The following HS3ST4 variants were observed in gnomAD, a reference collection of about 807,000 sequenced individuals.
HS3ST4 encodes heparan sulfate-glucosamine 3-sulfotransferase 4, also known as heparan sulfate glucosamine 3-O-sulfotransferase 4.
In HS3ST4, 17 loss-of-function variants were observed where a neutral mutation model predicts 29.2. The ratio of observed to expected loss-of-function variants is 0.58; its 90% confidence interval spans 0.40 to 0.87. The LOEUF is 0.87. HS3ST4 is among the 40% of genes least tolerant of loss of function. HS3ST4 has a pLI of 0.00. For synonymous variants in HS3ST4, 314 were observed against 285.7 expected (o/e 1.10, Z -1.00); for missense variants, 627 against 634.5 (o/e 0.99, Z 0.13).
Position 26,075,840 on chromosome 16 carries a change from C to A in HS3ST4, c.735-59772C>A, listed in dbSNP as rs373150498. On this transcript the variant is annotated intron_variant, in intron 1 of 1. Coordinates refer to ENST00000331351, the MANE Select transcript of HS3ST4 (RefSeq NM_006040.3). ...CATTATCTGCTGCAATATTGGACAT[C>A]CCCTTTTTTGAAATAATTTTCAATA... Among the ~76,000 whole-genome samples the A allele has an allele frequency of 2.6e-4, 39 of 152,282 alleles. No homozygotes were observed. In the East Asian group the frequency reaches 3.1e-3, roughly 12 times the overall value.
intron 1 of HS3ST4, among the ~76,000 whole-genome samples, chr16:25,898,127 T>C (rs1968088966): frequency 6.6e-6 from 1 of 152,222 alleles, no homozygotes; most frequent in Admixed American, 6.5e-5. Context: ...AGAATCTTTC[T>C]TGCTCAATGT....
chr16:25,711,778 C>T (rs994953001), intron 1 of HS3ST4, among the ~76,000 whole-genome samples: 3 of 152,096 alleles, frequency 2.0e-5, no homozygotes, highest in African/African-American at 2.4e-5. Flanking sequence ...CCTTTCTCCT[C>T]GCTGTCTGAG....
rs1967375852 is a variant in HS3ST4 at position 25,837,887 on chromosome 16, TAGTG to T, written c.734+144739_734+144742del. 2.0e-5 allele frequency among the ~76,000 whole-genome samples: 3 copies of T among 152,248 alleles called. No individual in the cohort carries two copies. In the South Asian group the frequency reaches 6.2e-4, roughly 32 times the overall value. Reference sequence around the variant, plus strand: ...TGTAGGAATGGTCCCATCACCCAGATAGTGAGCATAGTACCCGAAAGGTAGTTTT... The same window carrying T: ...TGTAGGAATGGTCCCATCACCCAGATAGCATAGTACCCGAAAGGTAGTTTT... On this transcript the variant is annotated intron_variant, in intron 1 of 1. Transcript: ENST00000331351.
intron 1 of HS3ST4, among the ~76,000 whole-genome samples, chr16:26,100,600 C>T (rs552212307): frequency 6.7e-4 from 102 of 152,230 alleles, no homozygotes; most frequent in African/African-American, 2.3e-3. Context: ...ACCTGGACAC[C>T]TGCTCTGAAT....
intron 1 of HS3ST4, among the ~76,000 whole-genome samples, chr16:26,000,133 G>A (rs1041383435): frequency 9.9e-5 from 15 of 151,710 alleles, no homozygotes; most frequent in East Asian, 1.9e-4. Context: ...TTTGTGATAC[G>A]TAGACACTCC....
At chr16:25,832,115 A>G (rs1284207317) in intron 1 of HS3ST4, among the ~76,000 whole-genome samples, 1 of 152,174 alleles carries the variant, frequency 6.6e-6, no homozygotes, top group East Asian at 1.9e-4. Flanking sequence ...GCAAACATAC[A>G]TAAAAATAAA....
At chr16:25,915,460 G>GAAATGA (rs1049829240) in intron 1 of HS3ST4, among the ~76,000 whole-genome samples, 4 of 152,128 alleles carry the variant, frequency 2.6e-5, no homozygotes, top group African/African-American at 9.7e-5. Flanking sequence ...ATATAGTAAT[G>GAAATGA]AAATGAAAAT....
At chr16:25,711,038 G>T in intron 1 of HS3ST4, among the ~76,000 whole-genome samples, 1 of 151,578 alleles carries the variant, frequency 6.6e-6, no homozygotes, top group African/African-American at 2.4e-5. Flanking sequence ...GCTTAGGCTG[G>T]TCTCGAACTC....
intron 1 of HS3ST4, among the ~76,000 whole-genome samples, chr16:25,732,643 A>C (rs903026893): frequency 2.0e-5 from 3 of 152,216 alleles, no homozygotes; most frequent in Non-Finnish European, 4.4e-5. Context: ...AGATGGCTGC[A>C]ATCATCTTAT....
chr16:26,110,074 A>G (rs1899108907), intron 1 of HS3ST4, among the ~76,000 whole-genome samples: 1 of 152,106 alleles, frequency 6.6e-6, no homozygotes, highest in Admixed American at 6.5e-5. Context: ...GAACCTGGCA[A>G]CCATCATTCT....
chr16:26,053,333 G>A (rs192022719), intron 1 of HS3ST4, among the ~76,000 whole-genome samples: 7 of 152,322 alleles, frequency 4.6e-5, no homozygotes, highest in Admixed American at 4.6e-4. Context: ...GCTAATTAAT[G>A]TTAATACTTG....
At chr16:26,061,489 A>G (rs1004452938) in intron 1 of HS3ST4, among the ~76,000 whole-genome samples, 3 of 152,198 alleles carry the variant, frequency 2.0e-5, no homozygotes, top group Admixed American at 6.5e-5. Context: ...AGCACCAGGA[A>G]CAATTATGAT....
chr16:25,803,960 C>T (rs1389310392), intron 1 of HS3ST4, among the ~76,000 whole-genome samples: 2 of 152,098 alleles, frequency 1.3e-5, no homozygotes, highest in African/African-American at 4.8e-5. Flanking sequence ...CTCCTTCCCT[C>T]TCCTCCTCAC....
chr16:26,077,365 A>G (rs1186200017), intron 1 of HS3ST4, among the ~76,000 whole-genome samples: 1 of 152,206 alleles, frequency 6.6e-6, no homozygotes, highest in Non-Finnish European at 1.5e-5. Flanking sequence ...TCTTGGGAGG[A>G]ACAGCCACAT....
chr16:26,032,739 A>G (rs1185361446), intron 1 of HS3ST4: 2 of 1,092,258 alleles, frequency 1.8e-6, no homozygotes, highest in East Asian at 2.4e-5. Flanking sequence ...AACCTCGCGG[A>G]TCTTCTCTGT....
chr16:25,729,570 C>T (rs994456487), intron 1 of HS3ST4, among the ~76,000 whole-genome samples: 55 of 152,166 alleles, frequency 3.6e-4, no homozygotes, highest in East Asian at 3.9e-4. Flanking sequence ...AGACAGATTT[C>T]GAAGTACAAA....
At chr16:25,835,664 G>A (rs1161002031) in intron 1 of HS3ST4, among the ~76,000 whole-genome samples, 1 of 152,222 alleles carries the variant, frequency 6.6e-6, no homozygotes, top group African/African-American at 2.4e-5. Flanking sequence ...GGTCCAGTAA[G>A]TGGAGAAGTC....
At chr16:26,058,473 TG>T (rs1218848629) in intron 1 of HS3ST4, among the ~76,000 whole-genome samples, 1 of 152,054 alleles carries the variant, frequency 6.6e-6, no homozygotes, top group African/African-American at 2.4e-5. Context: ...CTGAGAACAC[TG>T]GGGGTGACAT....
chr16:25,760,639 G>A (rs1298121185), intron 1 of HS3ST4, among the ~76,000 whole-genome samples: 1 of 151,952 alleles, frequency 6.6e-6, no homozygotes, highest in Non-Finnish European at 1.5e-5. Flanking sequence ...GGCTGGTGTC[G>A]AACTCCTGAC....
Sources: gnomAD v4.1 joint callset for allele counts (sites outside exome capture counted in the v4.1 genomes callset) on GRCh38, gnomAD v4.1.1 for gene constraint, MANE v1.5 for transcripts, NCBI Gene and HGNC (gene_info 2026-07-23, HGNC 2026-07-21) for gene names.